PSTPIP1: variants seen among roughly 807,000 people sequenced by gnomAD.
PSTPIP1 encodes proline-serine-threonine phosphatase-interacting protein 1.
In PSTPIP1, 66 loss-of-function variants were observed where a neutral mutation model predicts 69.6. The observed-to-expected ratio is 0.95, with a 90% confidence interval of 0.78 to 1.16. PSTPIP1 has a LOEUF of 1.16. PSTPIP1 is among the 50% of genes most tolerant of loss of function. The pLI, the probability that PSTPIP1 is intolerant of heterozygous loss-of-function variation, is 0.00. For missense variants in PSTPIP1, 603 were observed against 557.4 expected (o/e 1.08, Z -0.82); for synonymous variants, 266 against 222.7 (o/e 1.19, Z -1.73).
Position 77,025,589 on chromosome 15 carries a change from G to A in PSTPIP1, c.339G>A (p.Lys113=). The change falls in exon 5 of 15, where the codon AAG becomes AAA. Residue 113 remains lysine (K), a synonymous_variant. Coordinates refer to ENST00000558012, the MANE Select transcript of PSTPIP1 (RefSeq NM_003978.5). ...TCGAGGAGTTTCGTGAGAGGCAGAA[G>A]GAGCAGAGGAAGAAGGTGAGGCAGG... ...RSLEEFRERQ[K]EQRKKYEAVM... is the part of the protein sequence containing the mutation. The A allele has an allele frequency of 6.5e-7, 1 of 1,547,864 alleles. No homozygotes were observed. Among genetic ancestry groups the A allele is most frequent in the South Asian group, 1.2e-5 (1 of 84,102 alleles).
chr15:76,995,675 C>G, intron 1 of PSTPIP1, 66 bp downstream of exon 1: 1 of 1,609,932 alleles, frequency 6.2e-7, no homozygotes, highest in Non-Finnish European at 8.5e-7. Context: ...AATCTCCATG[C>G]AGGTGATGGG....
chr15:77,035,190 G>A (rs955030360), intron 12 of PSTPIP1, among the ~76,000 whole-genome samples: 1 of 152,224 alleles, frequency 6.6e-6, no homozygotes, highest in Non-Finnish European at 1.5e-5. Context: ...GGCCATGGGA[G>A]TCTTCCAATG....
chr15:77,025,194 TC>T (rs2076250344), intron 3 of PSTPIP1, 89 bp from the exon 4 acceptor site: 1 of 1,416,244 alleles, frequency 7.1e-7, no homozygotes, highest in African/African-American at 1.4e-5. Context: ...ATAAAAGTCC[TC>T]CCCACTGCCC....
rs145239831 is a variant in PSTPIP1, at chr15:77,032,355, A to G, written c.799A>G (p.Ser267Gly). Residue 267 changes from serine to glycine, a missense_variant, in exon 11 of 15, where the codon AGT becomes GGT. Coordinates refer to ENST00000558012, the MANE Select transcript of PSTPIP1 (RefSeq NM_003978.5). ...CTGCAGCATAGACGCCGACATCGAC[A>G]GTTTCATCCAGGCCAAGAGCACGGG... is the stretch of plus-strand genomic sequence containing the variant. ...EGCSIDADIDSFIQAKSTGTE... is the reference protein window; with the variant it reads ...EGCSIDADIDGFIQAKSTGTE... The G allele has an allele frequency of 3.0e-4, 477 of 1,612,648 alleles. 1 individual carries two copies. In the African/African-American group the frequency reaches 5.7e-3, roughly 19 times the overall value.
At position 77,028,623 on chromosome 15, in the gene PSTPIP1, G is replaced by A; in HGVS notation, c.487G>A (p.Ala163Thr). Residue 163 changes from alanine (A) to threonine (T), a missense_variant, in exon 7 of 15, where the codon GCC becomes ACC. Ala to Thr is a moderately conservative substitution (Grantham distance 58). Transcript: ENST00000558012. ...DAEQAFERIS[A>T]NGHQKQVEKS... is the part of the protein sequence containing the mutation. The stretch of plus-strand genomic sequence containing the variant: ...GGAGCAGGCCTTCGAGCGCATTAGC[G>A]CCAACGGCCACCAGAAGCAGGTGGA... 2 of 1,586,974 alleles carry A rather than the reference G, an allele frequency of 1.3e-6. No homozygotes were observed. Among genetic ancestry groups the A allele is most frequent in the Non-Finnish European group, 1.7e-6 (2 of 1,167,984 alleles).
At chr15:77,030,667 G>T in intron 9 of PSTPIP1, 86 bp downstream of exon 9, 1 of 1,344,208 alleles carries the variant, frequency 7.4e-7, no homozygotes, top group South Asian at 1.5e-5. Context: ...AGGGGCCCAA[G>T]TGAGGCAGTT....
intron 5 of PSTPIP1, among the ~76,000 whole-genome samples, chr15:77,026,515 T>G (rs556625090): frequency 2.0e-5 from 3 of 152,346 alleles, no homozygotes; most frequent in Admixed American, 6.5e-5. Context: ...CCACTTCCCA[T>G]CTCTGTGCCT....
chr15:76,997,336 C>G (rs1043894486), intron 1 of PSTPIP1, among the ~76,000 whole-genome samples: 14 of 152,230 alleles, frequency 9.2e-5, no homozygotes, highest in Admixed American at 4.6e-4. Context: ...GAACCTCTCA[C>G]ACTGAGTCTG....
intron 1 of PSTPIP1, among the ~76,000 whole-genome samples, chr15:77,000,468 T>TAG (rs1201642652): frequency 8.9e-5 from 10 of 111,974 alleles, no homozygotes; most frequent in African/African-American, 2.8e-4. Flanking sequence ...GAGATATATA[T>TAG]ATATATATAC....
Position 77,027,608 on chromosome 15 carries a change from G to A in PSTPIP1, c.355-244G>A, listed in dbSNP as rs1031544469. The stretch of plus-strand genomic sequence containing the variant: ...GGGTGGGAACTCCCCAGCTGGAGAC[G>A]AAGCTCTGGCCAAGGTCTGCAGCAA... On this transcript the variant is annotated intron_variant, in intron 5 of 14. Coordinates refer to ENST00000558012, the MANE Select transcript of PSTPIP1 (RefSeq NM_003978.5). The surrounding 1 kb of genome is among the most constrained non-coding windows in gnomAD (Gnocchi z 4.3). 1.1e-5 allele frequency: 6 copies of A among 536,342 alleles called. No homozygotes were observed. Among genetic ancestry groups the A allele is most frequent in the Non-Finnish European group, 2.1e-5 (6 of 285,824 alleles). 33.2% of individuals were successfully genotyped at this position (536,342 alleles called of 1,614,324 possible).
Position 77,027,045 on chromosome 15 carries a change from C to T in PSTPIP1, c.355-807C>T, listed in dbSNP as rs548871461. On this transcript the variant is annotated intron_variant, in intron 5 of 14. Coordinates refer to ENST00000558012, the MANE Select transcript of PSTPIP1 (RefSeq NM_003978.5). This position sits in a 1 kb window ranked among gnomAD's most constrained non-coding sequence, Gnocchi z 4.3. ...ACATGTGCTTACAGGATGGTGCACACGTGCCTACGCTCCCCTGCATATGCC... is the reference window on the plus strand; with the variant it reads ...ACATGTGCTTACAGGATGGTGCACATGTGCCTACGCTCCCCTGCATATGCC... Among the ~76,000 whole-genome samples, 95 of 152,348 alleles carry T rather than the reference C, an allele frequency of 6.2e-4. No individual in the cohort carries two copies. Among genetic ancestry groups the T allele is most frequent in the Admixed American group, 2.5e-3 (38 of 15,306 alleles).
intron 2 of PSTPIP1, 70 bp downstream of exon 2, chr15:77,018,318 G>A: frequency 6.5e-7 from 1 of 1,538,582 alleles, no homozygotes; most frequent in East Asian, 2.4e-5. Context: ...TCCTGGGACA[G>A]TGGACGAGGC....
intron 14 of PSTPIP1, among the ~76,000 whole-genome samples, chr15:77,036,214 G>A (rs1434272202): frequency 6.6e-6 from 1 of 152,176 alleles, no homozygotes; most frequent in Admixed American, 6.6e-5. Flanking sequence ...GCCTGTGTCT[G>A]CCCGGGCCTG....
At chr15:77,026,681 C>T (rs1475643127) in intron 5 of PSTPIP1, among the ~76,000 whole-genome samples, 1 of 152,244 alleles carries the variant, frequency 6.6e-6, no homozygotes. Flanking sequence ...GTGCCACCTG[C>T]CCATCTGCCA....
At chr15:77,032,761 G>A (rs985329921) in intron 11 of PSTPIP1, 101 bp from the exon 12 acceptor site, 3 of 1,014,558 alleles carry the variant, frequency 3.0e-6, no homozygotes, top group South Asian at 1.6e-5. Flanking sequence ...GCACCAGGAT[G>A]GGCCAGGGCC....
intron 8 of PSTPIP1, among the ~76,000 whole-genome samples, chr15:77,030,009 G>C (rs1039355978): frequency 1.3e-5 from 2 of 151,968 alleles, no homozygotes; most frequent in Non-Finnish European, 2.9e-5. Flanking sequence ...CCACCCACCA[G>C]ACACAGCACC....
At position 77,018,466 on chromosome 15, in the gene PSTPIP1, G is replaced by A. The variant is rs34618738; in HGVS notation, c.147G>A (p.Ala49=). The A allele has an allele frequency of 4.2e-3, 6,579 of 1,582,182 alleles. 20 individuals are homozygous for A. The highest frequency in any genetic ancestry group is 5.0e-3 in the Non-Finnish European group (5,828 of 1,164,116). Residue 49 remains alanine (A), a synonymous_variant, in exon 3 of 15, where the codon GCG becomes GCA. Transcript: ENST00000558012. The part of the protein sequence containing the change: ...MEELLRQRAQ[A]EERYGKELVQ... ...GCCCTTTTTTTTGCAGGGCCCAGGC[G>A]GAGGAGCGGTACGGGAAGGAGCTGG...
At chr15:77,029,803 GCTGTTA>G (rs1362540495) in intron 8 of PSTPIP1, among the ~76,000 whole-genome samples, 1 of 152,200 alleles carries the variant, frequency 6.6e-6, no homozygotes, top group Non-Finnish European at 1.5e-5. Flanking sequence ...CGAGGTGGCT[GCTGTTA>G]CTGTTCCCTT....
chr15:77,030,534 G>A lies in PSTPIP1; in HGVS notation c.595G>A (p.Glu199Lys), dbSNP rs1430542503. The change falls in exon 9 of 15, where the codon GAG becomes AAG. Residue 199 changes from glutamate to lysine, a missense_variant. By Grantham distance (56) the Glu-to-Lys change is moderately conservative. Coordinates refer to ENST00000558012, the MANE Select transcript of PSTPIP1 (RefSeq NM_003978.5). ...RVYRQSIAQL[E>K]KVRAEWEQEH... ...ATACAGGCAGAGCATTGCGCAGCTG[G>A]AGAAGGTCCGGGCTGAGTGGGAGCA... The A allele has an allele frequency of 6.2e-7, 1 of 1,612,596 alleles. No individual in the cohort carries two copies. Among genetic ancestry groups the A allele is most frequent in the Non-Finnish European group, 8.5e-7 (1 of 1,179,490 alleles).
Sources: gnomAD v4.1 joint callset for allele counts (sites outside exome capture counted in the v4.1 genomes callset) on GRCh38, gnomAD v4.1.1 for gene constraint, Gnocchi (gnomAD v3.1) non-coding constraint, MANE v1.5 for transcripts, NCBI Gene and HGNC (gene_info 2026-07-23, HGNC 2026-07-21) for gene names.